The following DLGAP4 variants were observed in gnomAD, a reference collection of about 807,000 sequenced individuals.
DLGAP4 encodes DLG associated protein 4.
Under a neutral mutation model 86.9 loss-of-function variants are expected in DLGAP4, and 18 were observed. The ratio of observed to expected loss-of-function variants is 0.21; its 90% confidence interval spans 0.14 to 0.31. DLGAP4 has a LOEUF of 0.31. Ranked by LOEUF, DLGAP4 falls within the 10% of genes least tolerant of loss-of-function variation. The pLI, the probability that DLGAP4 is intolerant of heterozygous loss-of-function variation, is 1.00. For missense variants in DLGAP4, 1,085 were observed against 1,362.6 expected (o/e 0.80, Z 3.21); for synonymous variants, 548 against 574.3 (o/e 0.95, Z 0.65).
At chr20:36,316,970 A>C (rs2065106496) in intron 1 of DLGAP4, among the ~76,000 whole-genome samples, 1 of 152,218 alleles carries the variant, frequency 6.6e-6, no homozygotes, top group Non-Finnish European at 1.5e-5. Flanking sequence ...GGAGAAGCTC[A>C]GCTGTTTGAA....
intron 10 of DLGAP4, among the ~76,000 whole-genome samples, chr20:36,512,901 G>A (rs1280319970): frequency 7.1e-6 from 1 of 140,022 alleles, no homozygotes; most frequent in Non-Finnish European, 1.5e-5. Flanking sequence ...CAGACTGGGG[G>A]CATCTCAGAT....
intron 2 of DLGAP4, among the ~76,000 whole-genome samples, chr20:36,421,149 A>T (rs781354573): frequency 8.7e-5 from 13 of 150,252 alleles, no homozygotes; most frequent in Non-Finnish European, 1.9e-4. Flanking sequence ...TATTTCAAAA[A>T]ATAATACTAA....
intron 1 of DLGAP4, among the ~76,000 whole-genome samples, chr20:36,339,233 G>A (rs1555892302): frequency 6.6e-6 from 1 of 151,792 alleles, no homozygotes; most frequent in East Asian, 2.0e-4. Context: ...GACTGAAGGT[G>A]CGTGCCACCA....
rs1451996900 is a variant in DLGAP4, at chr20:36,500,246, C to T, written c.2147C>T (p.Ser716Leu). Residue 716 changes from serine (S) to leucine (L), a missense_variant, in exon 10 of 13, where the codon TCG becomes TTG. Around this residue, in one of 2 missense-constraint regions of DLGAP4, gnomAD observed 1,082 missense variants for 1,344.1 expected, o/e 0.81. Coordinates refer to ENST00000339266, the MANE Select transcript of DLGAP4 (RefSeq NM_001365621.2). The surrounding 1 kb of genome is among the most constrained non-coding windows in gnomAD (Gnocchi z 4.6). ...HSMSSRRDTD[S>L]DTQDANDSSC... ...ATGTCCTCCCGACGGGACACAGACT[C>T]GGATACCCAGGATGCCAATGACTCA... The T allele has an allele frequency of 4.4e-6, 7 of 1,607,856 alleles. No individual in the cohort carries two copies. The highest frequency in any genetic ancestry group is 2.7e-5 in the African/African-American group (2 of 74,850).
chr20:36,463,569 A>G lies in DLGAP4; in HGVS notation c.1648+16632A>G, dbSNP rs573783742. Reference sequence around the variant, plus strand: ...CGGCTGTTTCTTAATTCAGGCCCCAATCCTGCTTGTTCTTTGTTAGTCCGT... The same window carrying G: ...CGGCTGTTTCTTAATTCAGGCCCCAGTCCTGCTTGTTCTTTGTTAGTCCGT... On this transcript the variant is annotated intron_variant, in intron 7 of 12. Coordinates refer to ENST00000339266, the MANE Select transcript of DLGAP4 (RefSeq NM_001365621.2). Among the ~76,000 whole-genome samples the G allele has an allele frequency of 1.4e-3, 210 of 152,248 alleles. 1 individual carries two copies. Among genetic ancestry groups the G allele is most frequent in the African/African-American group, 4.7e-3 (196 of 41,552 alleles).
chr20:36,321,840 C>G (rs1003492314), intron 1 of DLGAP4, among the ~76,000 whole-genome samples: 3 of 152,288 alleles, frequency 2.0e-5, no homozygotes, highest in South Asian at 2.1e-4. Context: ...TATACAGATC[C>G]CCCTCGATCT....
chr20:36,414,997 G>A (rs1407744631), intron 2 of DLGAP4, among the ~76,000 whole-genome samples: 12 of 152,168 alleles, frequency 7.9e-5, no homozygotes, highest in African/African-American at 2.9e-4. Flanking sequence ...TGGGCACAGT[G>A]GCTCATTCCT....
intron 1 of DLGAP4, among the ~76,000 whole-genome samples, chr20:36,327,516 C>A (rs141834594): frequency 6.6e-6 from 1 of 152,092 alleles, no homozygotes; most frequent in South Asian, 2.1e-4. Context: ...GTTTCTCTAT[C>A]CATCTGCTAG....
Position 36,440,693 on chromosome 20 carries a change from G to A in DLGAP4, c.1356+825G>A, listed in dbSNP as rs566517937. On this transcript the variant is annotated intron_variant, in intron 5 of 12. Coordinates refer to ENST00000339266, the MANE Select transcript of DLGAP4 (RefSeq NM_001365621.2). ...CCAGACCTGGACCTCAGCTCCTGCC[G>A]TGTACTCGGCACTTTAGGGTTTGCA... Among the ~76,000 whole-genome samples the A allele has an allele frequency of 6.6e-5, 10 of 152,244 alleles. No homozygotes were observed. The South Asian group carries it at 1.0e-3, about 16-fold the overall frequency.
chr20:36,479,897 G>A (rs971753774), intron 7 of DLGAP4, among the ~76,000 whole-genome samples: 1 of 152,136 alleles, frequency 6.6e-6, no homozygotes, highest in South Asian at 2.1e-4. Flanking sequence ...CTTCTGGCAT[G>A]CAGAGTCCAT....
intron 2 of DLGAP4, among the ~76,000 whole-genome samples, chr20:36,423,455 CAAAAAAAAAAAAAA>C (rs11434258): frequency 5.5e-4 from 9 of 16,338 alleles, no homozygotes; most frequent in Admixed American, 1.8e-3. Flanking sequence ...GACTCCGTCT[CAAAAAAAAAAAAAA>C]AAAAAAAAAA....
At chr20:36,337,372 G>A (rs1271794494) in intron 1 of DLGAP4, among the ~76,000 whole-genome samples, 1 of 152,074 alleles carries the variant, frequency 6.6e-6, no homozygotes, top group Admixed American at 6.5e-5. Context: ...AGGGGGCAAG[G>A]CCCGCTGGGT....
intron 1 of DLGAP4, among the ~76,000 whole-genome samples, chr20:36,344,896 C>T (rs2029891529): frequency 6.6e-6 from 1 of 152,220 alleles, no homozygotes; most frequent in Non-Finnish European, 1.5e-5. Flanking sequence ...GACCCAGAGG[C>T]TCTTTGGGAG....
chr20:36,409,730 C>G (rs1349667546), intron 2 of DLGAP4, among the ~76,000 whole-genome samples: 3 of 138,990 alleles, frequency 2.2e-5, no homozygotes. Context: ...AAAAAAGAAA[C>G]ATAATAAAAA....
chr20:36,333,440 T>C (rs562343723), intron 1 of DLGAP4, among the ~76,000 whole-genome samples: 1 of 152,110 alleles, frequency 6.6e-6, no homozygotes, highest in Non-Finnish European at 1.5e-5. Context: ...GCCTGGTGGA[T>C]TCCCGTGCAT....
intron 1 of DLGAP4, among the ~76,000 whole-genome samples, chr20:36,330,869 G>A (rs2065260700): frequency 6.6e-6 from 1 of 152,196 alleles, no homozygotes; most frequent in Non-Finnish European, 1.5e-5. Context: ...CGCCACGCCC[G>A]GCCGACTTTT....
Position 36,431,731 on chromosome 20 carries a change from G to A in DLGAP4, c.14G>A (p.Gly5Asp). The change falls in exon 3 of 13, where the codon GGT (glycine) becomes GAT (aspartate). Residue 5 changes from glycine (G) to aspartate (D), a missense_variant. Gly to Asp is a moderately conservative substitution (Grantham distance 94). This residue lies in a region of DLGAP4 where 1,082 missense variants were observed against 1,344.1 expected (regional missense o/e 0.81). Transcript: ENST00000339266. The surrounding 1 kb of genome is among the most constrained non-coding windows in gnomAD (Gnocchi z 5.1). The stretch of plus-strand genomic sequence containing the variant: ...CGGCCCGGGATCATGAAAGGCCTCG[G>A]TGACAGCCGCCCCCGCCACCTCTCC... The part of the protein sequence containing the change: MKGL[G>D]DSRPRHLSDS... 1 of 1,597,226 alleles carries A rather than the reference G, an allele frequency of 6.3e-7. No homozygotes were observed. The highest frequency in any genetic ancestry group is 8.5e-7 in the Non-Finnish European group (1 of 1,169,662).
chr20:36,371,373 AC>A (rs2030926955), intron 2 of DLGAP4, among the ~76,000 whole-genome samples: 1 of 152,202 alleles, frequency 6.6e-6, no homozygotes, highest in African/African-American at 2.4e-5. Context: ...CAGATATTAT[AC>A]AGTCACCCAA....
At chr20:36,326,531 ACTTTTATATGTGTAATAAG>A (rs2065217376) in intron 1 of DLGAP4, among the ~76,000 whole-genome samples, 1 of 151,824 alleles carries the variant, frequency 6.6e-6, no homozygotes, top group South Asian at 2.1e-4. Context: ...TATGTATTTG[ACTTTTATATGTGTAATAAG>A]CACAACACTA....
Sources: allele counts gnomAD v4.1 joint callset (sites outside exome capture counted in the v4.1 genomes callset), GRCh38; gene constraint gnomAD v4.1.1; regional missense constraint gnomAD v4.1.1; non-coding constraint Gnocchi (gnomAD v3.1); transcripts MANE v1.5; gene names NCBI Gene and HGNC (gene_info 2026-07-23, HGNC 2026-07-21).